The following ASIC2 variants were observed in gnomAD, a reference collection of about 807,000 sequenced individuals.
The protein encoded by ASIC2 is acid sensing ion channel subunit 2, also known as acid-sensing ion channel 2.
A neutral mutation model predicts 57.3 loss-of-function variants in ASIC2; 25 were observed. The observed-to-expected ratio is 0.44, with a 90% CI of 0.32 to 0.61. The LOEUF is 0.61. Among genes scored for constraint, ASIC2 ranks in the 20% least tolerant of loss-of-function variants. The pLI, the probability that ASIC2 is intolerant of heterozygous loss-of-function variation, is 0.06. For missense variants in ASIC2, 641 were observed against 738.1 expected (o/e 0.87, Z 1.52); for synonymous variants, 319 against 307.5 (o/e 1.04, Z -0.39).
intron 1 of ASIC2, among the ~76,000 whole-genome samples, chr17:33,535,971 T>C (rs1356558586): frequency 6.6e-6 from 1 of 152,222 alleles, no homozygotes; most frequent in East Asian, 1.9e-4. Context: ...TTATCCTGAC[T>C]AATACAGAAG....
chr17:33,774,445 G>A (rs1911205728), intron 1 of ASIC2, among the ~76,000 whole-genome samples: 1 of 152,154 alleles, frequency 6.6e-6, no homozygotes, highest in Non-Finnish European at 1.5e-5. Flanking sequence ...GACTGGAATG[G>A]TTCACTGAAG....
intron 1 of ASIC2, among the ~76,000 whole-genome samples, chr17:33,914,555 G>A (rs1388065005): frequency 6.6e-6 from 1 of 152,170 alleles, no homozygotes; most frequent in Non-Finnish European, 1.5e-5. Flanking sequence ...GGTAGGTGGT[G>A]TCTTCTGATG....
intron 3 of ASIC2, among the ~76,000 whole-genome samples, chr17:33,079,939 T>C (rs1368213562): frequency 6.6e-6 from 1 of 152,132 alleles, no homozygotes. Context: ...GCATCAATTA[T>C]GGGGTGCAGG....
intron 1 of ASIC2, among the ~76,000 whole-genome samples, chr17:34,056,952 G>C (rs1597998002): frequency 6.6e-6 from 1 of 152,134 alleles, no homozygotes; most frequent in Admixed American, 6.6e-5. Flanking sequence ...AAATACCCTG[G>C]GGGAAATGTC....
At position 33,844,963 on chromosome 17, in the gene ASIC2, G is replaced by GT. The variant is rs555064824; in HGVS notation, c.555+311014_555+311015insA. ...ACAGATGTTAAGTAACTTGGCTAAC[G>GT]CCATGTAGCCAATGTACAGTGAGGC... is the stretch of plus-strand genomic sequence containing the variant. On this transcript the variant is annotated intron_variant, in intron 1 of 9. Coordinates refer to the ASIC2 transcript ENST00000359872. Among the ~76,000 whole-genome samples the GT allele has an allele frequency of 7.2e-5, 11 of 152,292 alleles. No homozygotes were observed. In the East Asian group the frequency reaches 2.1e-3, roughly 29 times the overall value.
intron 1 of ASIC2, among the ~76,000 whole-genome samples, chr17:34,023,797 C>G (rs968801129): frequency 6.6e-6 from 1 of 152,200 alleles, no homozygotes; most frequent in Admixed American, 6.5e-5. Flanking sequence ...ATTACCCAGT[C>G]TCAGATATTT....
chr17:33,704,526 A>G (rs906201312), intron 1 of ASIC2, among the ~76,000 whole-genome samples: 1 of 152,134 alleles, frequency 6.6e-6, no homozygotes, highest in Non-Finnish European at 1.5e-5. Flanking sequence ...AACTTATAAA[A>G]TATATTTTTT....
intron 3 of ASIC2, among the ~76,000 whole-genome samples, chr17:33,069,640 T>C (rs1310642317): frequency 6.6e-6 from 1 of 152,248 alleles, no homozygotes; most frequent in East Asian, 1.9e-4. Context: ...TTTTGTCTGA[T>C]ATTAGCATAG....
intron 1 of ASIC2, among the ~76,000 whole-genome samples, chr17:34,154,164 C>T (rs28592640): frequency 0.091 from 13,904 of 152,236 alleles, 676 homozygotes; most frequent in Non-Finnish European, 0.1. Flanking sequence ...GACAGAGGAA[C>T]AGCTGAGTGC....
At chr17:33,132,011 T>C (rs1446483776) in intron 1 of ASIC2, among the ~76,000 whole-genome samples, 1 of 151,766 alleles carries the variant, frequency 6.6e-6, no homozygotes, top group Non-Finnish European at 1.5e-5. Context: ...GCCAGGGGAG[T>C]TCATTTTATT....
chr17:33,822,793 G>A (rs1912785718), intron 1 of ASIC2, among the ~76,000 whole-genome samples: 1 of 152,148 alleles, frequency 6.6e-6, no homozygotes. Flanking sequence ...CAAAATTAGG[G>A]AAATTCTATA....
intron 1 of ASIC2, among the ~76,000 whole-genome samples, chr17:33,190,111 A>G (rs1906354995): frequency 2.0e-5 from 3 of 152,328 alleles, no homozygotes; most frequent in Middle Eastern, 6.8e-3. Context: ...TTTTTCACAG[A>G]TAAAATAATC....
chr17:33,294,565 T>A (rs904151287), upstream of ASIC2, among the ~76,000 whole-genome samples: 4 of 151,806 alleles, frequency 2.6e-5, no homozygotes, highest in African/African-American at 9.7e-5. Flanking sequence ...CATTTCCCAC[T>A]CACCCACATA....
chr17:34,026,702 T>C (rs1907391946), intron 1 of ASIC2, among the ~76,000 whole-genome samples: 1 of 152,176 alleles, frequency 6.6e-6, no homozygotes, highest in Non-Finnish European at 1.5e-5. Context: ...ACTCCCCAAA[T>C]GCCAAAGGTG....
intron 1 of ASIC2, among the ~76,000 whole-genome samples, chr17:33,651,224 G>A (rs960396243): frequency 1.3e-5 from 2 of 152,158 alleles, no homozygotes; most frequent in African/African-American, 4.8e-5. Flanking sequence ...TAAGTGTATT[G>A]TGCCACTGTC....
At chr17:33,536,281 A>G (rs1247978132) in intron 1 of ASIC2, among the ~76,000 whole-genome samples, 2 of 152,126 alleles carry the variant, frequency 1.3e-5, no homozygotes, top group African/African-American at 4.8e-5. Flanking sequence ...TTGCCCCCAC[A>G]TCCTAACTTT....
chr17:34,119,276 CCTAA>C (rs1213857528), intron 1 of ASIC2, among the ~76,000 whole-genome samples: 1 of 151,960 alleles, frequency 6.6e-6, no homozygotes, highest in Non-Finnish European at 1.5e-5. Flanking sequence ...TGCCATGCTA[CCTAA>C]CTCTCCCAAG....
At chr17:33,336,677 C>G (rs533062993) in intron 1 of ASIC2, among the ~76,000 whole-genome samples, 2 of 152,314 alleles carry the variant, frequency 1.3e-5, no homozygotes, top group East Asian at 3.9e-4. Flanking sequence ...CTGCCTGTGT[C>G]TGGCGGTGAT....
intron 1 of ASIC2, among the ~76,000 whole-genome samples, chr17:33,899,842 C>A (rs986144492): frequency 6.6e-6 from 1 of 152,134 alleles, no homozygotes; most frequent in Non-Finnish European, 1.5e-5. Flanking sequence ...TATAAGAGTG[C>A]AGGTTATAAG....
Sources: gnomAD v4.1 joint callset for allele counts (sites outside exome capture counted in the v4.1 genomes callset) on GRCh38, gnomAD v4.1.1 for gene constraint, MANE v1.5 for transcripts, NCBI Gene and HGNC (gene_info 2026-07-23, HGNC 2026-07-21) for gene names.